SKAP2: variants seen among roughly 807,000 people sequenced by gnomAD.
SKAP2 encodes the protein src kinase-associated phosphoprotein 2.
A neutral mutation model predicts 54.9 loss-of-function variants in SKAP2; 28 were observed. That is an observed-to-expected ratio of 0.51 (90% confidence interval 0.38 to 0.70). SKAP2 has a LOEUF of 0.70. Ranked by LOEUF, SKAP2 falls within the 30% of genes least tolerant of loss-of-function variation. SKAP2 has a pLI of 0.00. For missense variants in SKAP2, 356 were observed against 424.1 expected, an observed-to-expected ratio of 0.84 and a Z score of 1.41; for synonymous variants, 137 against 134.3, an observed-to-expected ratio of 1.02 and a Z score of -0.14.
At chr7:26,693,164 T>C (rs1001471507) in intron 9 of SKAP2, among the ~76,000 whole-genome samples, 4 of 152,064 alleles carry the variant, frequency 2.6e-5, no homozygotes, top group African/African-American at 9.7e-5. Context: ...AAACCACGTC[T>C]CTACTAAAAA....
chr7:26,822,343 T>C (rs1458396898), intron 4 of SKAP2, among the ~76,000 whole-genome samples: 1 of 152,304 alleles, frequency 6.6e-6, no homozygotes, highest in African/African-American at 2.4e-5. Context: ...ATTCTTACAA[T>C]ATTTCAAATT....
intron 9 of SKAP2, among the ~76,000 whole-genome samples, chr7:26,716,947 A>C (rs1184255431): frequency 6.6e-6 from 1 of 152,176 alleles, no homozygotes; most frequent in African/African-American, 2.4e-5. Flanking sequence ...ATAATCAATA[A>C]AGTTACTGAC....
At chr7:26,665,907 T>C (rs1475602057), downstream of SKAP2, among the ~76,000 whole-genome samples, 1 of 152,060 alleles carries the variant, frequency 6.6e-6, no homozygotes, top group Non-Finnish European at 1.5e-5. Flanking sequence ...TACTTATTGT[T>C]TCTCTGTATT....
intron 4 of SKAP2, among the ~76,000 whole-genome samples, chr7:26,759,083 T>C (rs1782866650): frequency 6.6e-6 from 1 of 152,206 alleles, no homozygotes; most frequent in Non-Finnish European, 1.5e-5. Flanking sequence ...TGTAAAAATA[T>C]GCATAAAAAT....
intron 4 of SKAP2, among the ~76,000 whole-genome samples, chr7:26,753,869 T>C (rs1252666145): frequency 6.6e-6 from 1 of 152,142 alleles, no homozygotes; most frequent in African/African-American, 2.4e-5. Context: ...AGAAGCAAGA[T>C]AGCCGTAAGA....
chr7:26,701,212 T>C (rs1787014513), intron 9 of SKAP2, among the ~76,000 whole-genome samples: 2 of 152,180 alleles, frequency 1.3e-5, no homozygotes, highest in Non-Finnish European at 2.9e-5. Flanking sequence ...TGGGCTTCTG[T>C]TCCCTCTTAC....
rs958125714 is a variant in SKAP2, at chr7:26,826,120, C to T, written c.307+17910G>A. ...CCAGACCTAGCCAATTCGTGCAATA[C>T]ACACACACACACACACACACACGCC... On this transcript the variant is annotated intron_variant, in intron 4 of 12. Transcript: ENST00000345317. 7.9e-5 allele frequency among the ~76,000 whole-genome samples: 3 copies of T among 38,018 alleles called. No individual in the cohort carries two copies. In the Admixed American group the frequency reaches 9.9e-4, roughly 13 times the overall value. 24.9% of individuals were successfully genotyped at this position (38,018 alleles called of 152,430 possible).
At chr7:26,834,341 A>T (rs1784661942) in intron 4 of SKAP2, among the ~76,000 whole-genome samples, 1 of 152,166 alleles carries the variant, frequency 6.6e-6, no homozygotes, top group Non-Finnish European at 1.5e-5. Flanking sequence ...AATAACTAAG[A>T]TCAGAGCAGA....
At chr7:26,855,694 T>C (rs1391522877) in intron 1 of SKAP2, among the ~76,000 whole-genome samples, 3 of 152,138 alleles carry the variant, frequency 2.0e-5, no homozygotes, top group African/African-American at 7.2e-5. Context: ...TACGGTGCTG[T>C]CTGGGTCTCT....
chr7:26,717,543 G>T (rs985546899), intron 9 of SKAP2, among the ~76,000 whole-genome samples: 4 of 42,558 alleles, frequency 9.4e-5, no homozygotes, highest in African/African-American at 2.8e-4. Context: ...AAAAAAAAAA[G>T]GGCCAGATGC....
At chr7:26,732,195 G>C (rs1787836710) in intron 6 of SKAP2, among the ~76,000 whole-genome samples, 1 of 152,260 alleles carries the variant, frequency 6.6e-6, no homozygotes, top group East Asian at 1.9e-4. Context: ...TAAATCTCCA[G>C]TAAGTAACAA....
chr7:26,679,638 T>C (rs570114956), intron 11 of SKAP2, among the ~76,000 whole-genome samples: 1 of 152,344 alleles, frequency 6.6e-6, no homozygotes, highest in East Asian at 1.9e-4. Context: ...TCTGCAGCAG[T>C]TGGCCACGCT....
chr7:26,839,147 TAGAA>T (rs1343136409), intron 4 of SKAP2, among the ~76,000 whole-genome samples: 3 of 152,156 alleles, frequency 2.0e-5, no homozygotes, highest in Non-Finnish European at 4.4e-5. Context: ...CATAAAAACT[TAGAA>T]AGATAATTCT....
intron 4 of SKAP2, among the ~76,000 whole-genome samples, chr7:26,832,681 A>G (rs1284022340): frequency 2.6e-5 from 4 of 152,158 alleles, no homozygotes; most frequent in Admixed American, 2.0e-4. Flanking sequence ...CTTTAATAAA[A>G]CTGGTAATCA....
chr7:26,785,494 A>G (rs894316229), intron 4 of SKAP2, among the ~76,000 whole-genome samples: 1 of 152,162 alleles, frequency 6.6e-6, no homozygotes, highest in Non-Finnish European at 1.5e-5. Context: ...CCGAGGAAAC[A>G]AAGTTTTAAA....
intron 4 of SKAP2, among the ~76,000 whole-genome samples, chr7:26,746,032 G>A (rs1782553742): frequency 6.6e-6 from 1 of 152,036 alleles, no homozygotes; most frequent in African/African-American, 2.4e-5. Flanking sequence ...ACATTTTCAG[G>A]TGCCAGTATG....
intron 11 of SKAP2, among the ~76,000 whole-genome samples, chr7:26,674,771 C>A (rs998021299): frequency 6.6e-6 from 1 of 152,092 alleles, no homozygotes; most frequent in South Asian, 2.1e-4. Context: ...TTGTATACTC[C>A]ATTTTTAAAG....
intron 4 of SKAP2, among the ~76,000 whole-genome samples, chr7:26,825,845 A>G (rs988076450): frequency 2.0e-5 from 3 of 152,192 alleles, no homozygotes; most frequent in Non-Finnish European, 4.4e-5. Flanking sequence ...TACTGAATGT[A>G]TATCTATAAC....
intron 6 of SKAP2, among the ~76,000 whole-genome samples, chr7:26,734,973 C>G (rs1787893263): frequency 6.6e-6 from 1 of 152,190 alleles, no homozygotes; most frequent in African/African-American, 2.4e-5. Context: ...TTCTCTCCAC[C>G]AGGACATCTT....
Sources: gnomAD v4.1 joint callset for allele counts (sites outside exome capture counted in the v4.1 genomes callset) on GRCh38, gnomAD v4.1.1 for gene constraint, MANE v1.5 for transcripts, NCBI Gene and HGNC (gene_info 2026-07-23, HGNC 2026-07-21) for gene names.